The following PTPRD variants were observed in gnomAD, a reference collection of about 807,000 sequenced individuals.
The protein encoded by PTPRD is protein tyrosine phosphatase receptor type D, also known as receptor-type tyrosine-protein phosphatase delta.
In PTPRD, 34 loss-of-function variants were observed where a neutral mutation model predicts 214.5. That is an observed-to-expected ratio of 0.16 (90% CI 0.12 to 0.21). The LOEUF (loss-of-function observed/expected upper bound fraction) is 0.21, where lower values mean the gene tolerates loss of function less well. PTPRD is among the 10% of genes least tolerant of loss of function. The pLI is 1.00. For synonymous variants in PTPRD, 1,128 were observed against 845.7 expected (o/e 1.33, Z -5.79); for missense variants, 2,545 against 2,398.7 (o/e 1.06, Z -1.27).
chr9:9,698,429 G>A (rs1046689997), intron 7 of PTPRD, among the ~76,000 whole-genome samples: 2 of 152,162 alleles, frequency 1.3e-5, no homozygotes, highest in Non-Finnish European at 2.9e-5. Context: ...GTCCCAGATA[G>A]GGGAGATCCC....
chr9:10,485,651 T>C (rs1436378580), intron 2 of PTPRD, among the ~76,000 whole-genome samples: 2 of 152,122 alleles, frequency 1.3e-5, no homozygotes, highest in Non-Finnish European at 2.9e-5. Flanking sequence ...ACATTTCTTT[T>C]TCAGATTGTT....
intron 11 of PTPRD, among the ~76,000 whole-genome samples, chr9:8,942,038 T>C (rs545872743): frequency 1.2e-3 from 183 of 152,288 alleles, no homozygotes; most frequent in South Asian, 5.8e-3. Flanking sequence ...ATTCATGACC[T>C]CAGGTGATCC....
At chr9:9,981,778 C>T (rs892462396) in intron 4 of PTPRD, among the ~76,000 whole-genome samples, 2 of 152,022 alleles carry the variant, frequency 1.3e-5, no homozygotes, top group East Asian at 1.9e-4. Flanking sequence ...CTTTTTGACT[C>T]GTATCATACT....
chr9:9,195,098 A>ATATG (rs560549143), intron 9 of PTPRD, among the ~76,000 whole-genome samples: 81 of 141,186 alleles, frequency 5.7e-4, no homozygotes, highest in Admixed American at 3.7e-3. Flanking sequence ...ATATATATAT[A>ATATG]TATATATATA....
intron 11 of PTPRD, among the ~76,000 whole-genome samples, chr9:8,863,714 T>C (rs1409675490): frequency 1.3e-5 from 2 of 152,162 alleles, no homozygotes; most frequent in Admixed American, 6.5e-5. Context: ...AATGGGTGCA[T>C]TGTTAGTTAT....
chr9:9,526,104 A>G (rs1432746172), intron 8 of PTPRD, among the ~76,000 whole-genome samples: 2 of 152,204 alleles, frequency 1.3e-5, no homozygotes, highest in Non-Finnish European at 1.5e-5. Flanking sequence ...TACATTATAC[A>G]TATTTTTAAG....
chr9:8,716,578 C>T (rs1026723405), intron 12 of PTPRD, among the ~76,000 whole-genome samples: 5 of 152,146 alleles, frequency 3.3e-5, no homozygotes, highest in Non-Finnish European at 7.4e-5. Context: ...TAGTCGCAGA[C>T]GAGATCCATC....
rs759683450 is a variant in PTPRD, at chr9:8,518,092, G to T, written c.1299C>A (p.Thr433=). The T allele has an allele frequency of 5.0e-6, 8 of 1,614,050 alleles. No homozygotes were observed. The highest frequency in any genetic ancestry group is 6.8e-6 in the Non-Finnish European group (8 of 1,180,030). Residue 433 remains threonine (T), a synonymous_variant, in exon 21 of 46, where the codon ACC becomes ACA. Coordinates refer to ENST00000381196, the MANE Select transcript of PTPRD (RefSeq NM_002839.4). Reference sequence around the variant, plus strand: ...CAGGTTCCTTCCACTGTACCAAAATGGTGGTCGAACTCAACATTCGTGCCT... The same window carrying T: ...CAGGTTCCTTCCACTGTACCAAAATTGTGGTCGAACTCAACATTCGTGCCT... The part of the protein sequence containing the change: ...DVQARMLSST[T]ILVQWKEPEE...
At chr9:9,939,534 C>A (rs2090780019) in intron 4 of PTPRD, among the ~76,000 whole-genome samples, 2 of 152,118 alleles carry the variant, frequency 1.3e-5, no homozygotes, top group South Asian at 2.1e-4. Flanking sequence ...TCTTCAAAAC[C>A]AGGATTGACC....
At chr9:8,555,306 C>T (rs1223481701) in intron 14 of PTPRD, among the ~76,000 whole-genome samples, 1 of 152,116 alleles carries the variant, frequency 6.6e-6, no homozygotes, top group African/African-American at 2.4e-5. Flanking sequence ...ACTCAGGAGA[C>T]TGAGGTGGGA....
intron 3 of PTPRD, among the ~76,000 whole-genome samples, chr9:10,156,992 C>A (rs2099097454): frequency 6.6e-6 from 1 of 152,106 alleles, no homozygotes; most frequent in African/African-American, 2.4e-5. Flanking sequence ...GCAGATTTTT[C>A]TCTATCCTTT....
chr9:9,722,646 T>A (rs970915687), intron 7 of PTPRD, among the ~76,000 whole-genome samples: 1 of 152,070 alleles, frequency 6.6e-6, no homozygotes, highest in African/African-American at 2.4e-5. Flanking sequence ...ACTGCTAAAC[T>A]ACATCTGAAG....
chr9:9,820,514 G>T (rs1003198357), intron 5 of PTPRD, among the ~76,000 whole-genome samples: 2 of 151,930 alleles, frequency 1.3e-5, no homozygotes, highest in Non-Finnish European at 2.9e-5. Flanking sequence ...AATTTTTGTT[G>T]TTGTTGCAAT....
chr9:9,929,406 T>C (rs1053563896), intron 5 of PTPRD, among the ~76,000 whole-genome samples: 8 of 152,120 alleles, frequency 5.3e-5, no homozygotes, highest in African/African-American at 1.9e-4. Context: ...AACACTTGTT[T>C]TTTGAGACAG....
chr9:9,827,667 T>C (rs2053412703), intron 5 of PTPRD, among the ~76,000 whole-genome samples: 1 of 152,204 alleles, frequency 6.6e-6, no homozygotes, highest in Middle Eastern at 3.4e-3. Context: ...GGGATCTAAT[T>C]AAACTAAAGA....
rs1172142507 is a variant in PTPRD, at chr9:9,934,438, C to A, written c.-368+4069G>T. Among the ~76,000 whole-genome samples the A allele has an allele frequency of 2.2e-5, 3 of 135,040 alleles. 1 individual carries two copies. Among genetic ancestry groups the A allele is most frequent in the Admixed American group, 1.5e-4 (2 of 13,722 alleles). The allele number at this position is 135,040 out of a possible 152,430, so 88.6% of individuals were successfully genotyped here. A position where few individuals can be genotyped will look rare whatever the true frequency, so the allele number is the denominator to read the frequency against. ...AAAGACAAACTACCATCAGAGAATA[C>A]TACAAACGCCTCTATGCAAATAAAC... On this transcript the variant is annotated intron_variant, in intron 5 of 45. Transcript: ENST00000381196.
intron 27 of PTPRD, among the ~76,000 whole-genome samples, chr9:8,491,924 A>T (rs750772355): frequency 2.6e-5 from 4 of 152,168 alleles, no homozygotes; most frequent in Non-Finnish European, 5.9e-5. Context: ...CATGGTTTAC[A>T]TGTTCACGGG....
intron 3 of PTPRD, among the ~76,000 whole-genome samples, chr9:10,130,419 G>C (rs972442403): frequency 3.3e-5 from 5 of 151,830 alleles, no homozygotes; most frequent in Non-Finnish European, 7.4e-5. Context: ...TGTCATATTT[G>C]CCCTCTCTTT....
chr9:9,452,977 T>C (rs1015950045), intron 8 of PTPRD, among the ~76,000 whole-genome samples: 1 of 151,216 alleles, frequency 6.6e-6, no homozygotes, highest in East Asian at 1.9e-4. Context: ...ATGATTTTTC[T>C]GTATACTTAA....
Sources: allele counts gnomAD v4.1 joint callset (sites outside exome capture counted in the v4.1 genomes callset), GRCh38; gene constraint gnomAD v4.1.1; transcripts MANE v1.5; gene names NCBI Gene and HGNC (gene_info 2026-07-23, HGNC 2026-07-21).